Variants in ZCCHC24 observed in about 807,000 individuals in gnomAD.
ZCCHC24 encodes the protein zinc finger CCHC-type containing 24.
Under a neutral mutation model 26.2 loss-of-function variants are expected in ZCCHC24, and 10 were observed. The observed-to-expected ratio is 0.38, with a 90% CI of 0.24 to 0.65. ZCCHC24 has a LOEUF of 0.65. Ranked by LOEUF, ZCCHC24 falls within the 30% of genes least tolerant of loss-of-function variation. The pLI is 0.54. For synonymous variants in ZCCHC24, 144 were observed against 147.1 expected, an observed-to-expected ratio of 0.98 and a Z score of 0.15; for missense variants, 243 against 329.1, an observed-to-expected ratio of 0.74 and a Z score of 2.03.
At chr10:79,414,013 G>A (rs1405136605) in intron 2 of ZCCHC24, among the ~76,000 whole-genome samples, 1 of 152,220 alleles carries the variant, frequency 6.6e-6, no homozygotes, top group Non-Finnish European at 1.5e-5. Flanking sequence ...GTTGGAGGAA[G>A]AGCCAAAGAA....
At chr10:79,418,379 C>G (rs985097420) in intron 2 of ZCCHC24, among the ~76,000 whole-genome samples, 1 of 152,154 alleles carries the variant, frequency 6.6e-6, no homozygotes, top group African/African-American at 2.4e-5. Context: ...GATGAGAGCT[C>G]GGGCCTTCTG....
At chr10:79,428,465 A>AAGATAAATTTCAGTTTTGCC (rs1857074910) in intron 2 of ZCCHC24, among the ~76,000 whole-genome samples, 1 of 80,108 alleles carries the variant, frequency 1.2e-5, no homozygotes, top group Non-Finnish European at 2.8e-5. Flanking sequence ...TCAGTTTTGC[A>AAGATAAATTTCAGTTTTGCC]AGATAAATTT....
At chr10:79,408,134 G>A (rs1342620458) in intron 2 of ZCCHC24, among the ~76,000 whole-genome samples, 2 of 152,218 alleles carry the variant, frequency 1.3e-5, no homozygotes, top group Non-Finnish European at 1.5e-5. Flanking sequence ...ACAGCTCCCA[G>A]TGGGCCCAGC....
intron 2 of ZCCHC24, among the ~76,000 whole-genome samples, chr10:79,406,961 T>C (rs1431382045): frequency 1.3e-5 from 2 of 152,218 alleles, no homozygotes; most frequent in Non-Finnish European, 2.9e-5. Flanking sequence ...TCTCACTACC[T>C]GGCACACCCT....
At chr10:79,411,800 G>A (rs968369015) in intron 2 of ZCCHC24, among the ~76,000 whole-genome samples, 6 of 151,982 alleles carry the variant, frequency 3.9e-5, no homozygotes, top group Non-Finnish European at 7.4e-5. Context: ...AGGAGGCCTC[G>A]GCCCCTCCTG....
intron 3 of ZCCHC24, among the ~76,000 whole-genome samples, chr10:79,387,403 G>A (rs922724629): frequency 2.0e-5 from 3 of 152,162 alleles, no homozygotes; most frequent in Non-Finnish European, 2.9e-5. Context: ...TTCCCTGCTC[G>A]CTCTTTTCCT....
chr10:79,390,956 C>T (rs541872620), intron 3 of ZCCHC24, among the ~76,000 whole-genome samples: 4 of 152,176 alleles, frequency 2.6e-5, no homozygotes, highest in East Asian at 1.9e-4. Flanking sequence ...CAAAGGCTCC[C>T]GACAGCTGGG....
chr10:79,439,636 C>CA (rs1265458790), intron 1 of ZCCHC24, among the ~76,000 whole-genome samples: 5 of 151,916 alleles, frequency 3.3e-5, no homozygotes, highest in African/African-American at 1.2e-4. Flanking sequence ...ACATGCTTTA[C>CA]AAAAAATTAG....
chr10:79,393,826 C>T (rs1856508251), intron 3 of ZCCHC24, among the ~76,000 whole-genome samples: 1 of 152,070 alleles, frequency 6.6e-6, no homozygotes, highest in South Asian at 2.1e-4. Context: ...CCCCCATCCT[C>T]CAGGTCCCCA....
At position 79,386,203 on chromosome 10, in the gene ZCCHC24, C is replaced by T. The variant is rs767421250; in HGVS notation, c.*142G>A. 7 of 691,224 alleles carry T rather than the reference C, an allele frequency of 1.0e-5. No homozygotes were observed. The East Asian group carries it at 1.1e-4, about 11-fold the overall frequency. 42.8% of individuals were successfully genotyped at this position (691,224 alleles called of 1,614,324 possible). A position where few individuals can be genotyped will look rare whatever the true frequency, so the allele number is the denominator to read the frequency against. On this transcript the variant is annotated 3_prime_UTR_variant, in exon 4 of 4. Coordinates refer to ENST00000372336, the MANE Select transcript of ZCCHC24 (RefSeq NM_153367.4). ...TTTGTCAACACACACAAGACAAGGACGCTAAGAGCCCCCGGCCCAGCCCCG... is the reference window on the plus strand; with the variant it reads ...TTTGTCAACACACACAAGACAAGGATGCTAAGAGCCCCCGGCCCAGCCCCG...
intron 1 of ZCCHC24, 114 bp downstream of exon 1, chr10:79,445,081 A>C: frequency 9.4e-7 from 1 of 1,062,746 alleles, no homozygotes; most frequent in Non-Finnish European, 1.2e-6. Context: ...CGGGCCCGGC[A>C]ATGCGGAGCC....
chr10:79,406,190 G>A (rs1289273181), intron 2 of ZCCHC24, among the ~76,000 whole-genome samples: 2 of 152,198 alleles, frequency 1.3e-5, no homozygotes, highest in Non-Finnish European at 2.9e-5. Context: ...GGCTCAGAGA[G>A]GTTAAGTCAC....
intron 2 of ZCCHC24, among the ~76,000 whole-genome samples, chr10:79,401,638 T>A (rs1211031872): frequency 6.6e-6 from 1 of 152,226 alleles, no homozygotes; most frequent in Non-Finnish European, 1.5e-5. Context: ...CCTCCCCATC[T>A]CTGGGCCTCA....
rs975778872 is a variant in ZCCHC24, at chr10:79,394,280, T to C, written c.608A>G (p.Lys203Arg). The change falls in exon 3 of 4, where the codon AAG (lysine) becomes AGG (arginine). Residue 203 changes from lysine (K) to arginine (R), a missense_variant. Coordinates refer to ENST00000372336, the MANE Select transcript of ZCCHC24 (RefSeq NM_153367.4). Reference sequence around the variant, plus strand: ...GCCCCAGCCTGCCCGGCTCACCTGCTTGTGTGGATACACGTTGATGTGGCA... The same window carrying C: ...GCCCCAGCCTGCCCGGCTCACCTGCCTGTGTGGATACACGTTGATGTGGCA... The part of the protein sequence containing the change: ...IKCHINVYPH[K>R]QRPLEKPDGL... 1.2e-6 allele frequency: 2 copies of C among 1,613,556 alleles called. No homozygotes were observed. The highest frequency in any genetic ancestry group is 1.7e-6 in the Non-Finnish European group (2 of 1,179,664).
chr10:79,432,983 C>T (rs1857156635), intron 1 of ZCCHC24, among the ~76,000 whole-genome samples: 1 of 152,152 alleles, frequency 6.6e-6, no homozygotes, highest in Admixed American at 6.6e-5. Flanking sequence ...AGTAACAGCT[C>T]CTCCTAGGGT....
chr10:79,419,928 ATTC>A (rs547090452), intron 2 of ZCCHC24, among the ~76,000 whole-genome samples: 17 of 152,040 alleles, frequency 1.1e-4, no homozygotes, highest in Middle Eastern at 3.4e-3. Flanking sequence ...ATCATCTGCA[ATTC>A]TTCTAAAAGC....
At chr10:79,444,897 C>T (rs768532399) in intron 1 of ZCCHC24, among the ~76,000 whole-genome samples, 3 of 152,202 alleles carry the variant, frequency 2.0e-5, no homozygotes, top group Non-Finnish European at 4.4e-5. Context: ...CCCTCCTCAA[C>T]TCCCTCCCCC....
rs1856361051 is a variant in ZCCHC24 at position 79,384,279 on chromosome 10, G to GC, written c.*2065dup. 1 of 152,390 alleles carries GC rather than the reference G, an allele frequency of 6.6e-6. No homozygotes were observed. The allele number at this position is 152,390 out of a possible 1,614,324, so 9.4% of individuals were successfully genotyped here. ...GGCCTGGGTTAGTTTTAGGGTGTGGGCCCCCCACCTTTGCAGCACAGCTGG... is the reference window on the plus strand; with the variant it reads ...GGCCTGGGTTAGTTTTAGGGTGTGGGCCCCCCCACCTTTGCAGCACAGCTGG... On this transcript the variant is annotated 3_prime_UTR_variant, in exon 4 of 4. Coordinates refer to ENST00000372336, the MANE Select transcript of ZCCHC24 (RefSeq NM_153367.4).
chr10:79,394,342 C>G lies in ZCCHC24; in HGVS notation c.546G>C (p.Gly182=). ...CCTGCCCCATGTTGGCCCAGGAGTTCCCGCTCATCCATTTTCTCTTGCACT... is the reference window on the plus strand; with the variant it reads ...CCTGCCCCATGTTGGCCCAGGAGTTGCCGCTCATCCATTTTCTCTTGCACT... ...CPKCKRKWMS[G]NSWANMGQEC... is the part of the protein sequence containing the mutation. Residue 182 remains glycine, a synonymous_variant, in exon 3 of 4, where the codon GGG becomes GGC. Transcript: ENST00000372336. 1.2e-6 allele frequency: 2 copies of G among 1,614,206 alleles called. No individual in the cohort carries two copies. The highest frequency in any genetic ancestry group is 1.1e-5 in the South Asian group (1 of 91,090).
Sources: gnomAD v4.1 joint callset for allele counts (sites outside exome capture counted in the v4.1 genomes callset) on GRCh38, gnomAD v4.1.1 for gene constraint, MANE v1.5 for transcripts, NCBI Gene and HGNC (gene_info 2026-07-23, HGNC 2026-07-21) for gene names.